The following RBFOX1 variants were observed in gnomAD, a reference collection of about 807,000 sequenced individuals.
RBFOX1 encodes the protein RNA binding fox-1 homolog 1, also known as RNA binding protein fox-1 homolog 1.
Under a neutral mutation model 57.7 loss-of-function variants are expected in RBFOX1, and 8 were observed. The ratio of observed to expected loss-of-function variants is 0.14; its 90% CI spans 0.08 to 0.25. The LOEUF is 0.25. Ranked by LOEUF, RBFOX1 falls within the 10% of genes least tolerant of loss-of-function variation. RBFOX1 has a pLI of 1.00. For missense variants in RBFOX1, 611 were observed against 548.5 expected (o/e 1.11, Z -1.14); for synonymous variants, 326 against 222.4 (o/e 1.47, Z -4.15).
At chr16:7,557,735 T>C (rs1313653062) in intron 5 of RBFOX1, among the ~76,000 whole-genome samples, 1 of 151,764 alleles carries the variant, frequency 6.6e-6, no homozygotes, top group African/African-American at 2.4e-5. Flanking sequence ...AAACACATAT[T>C]GCTGGCTGTA....
chr16:5,394,938 C>T (rs1249644567), intron 1 of RBFOX1, among the ~76,000 whole-genome samples: 1 of 152,130 alleles, frequency 6.6e-6, no homozygotes, highest in African/African-American at 2.4e-5. Context: ...TTGTGTCCAG[C>T]CGGCATGATT....
rs551823255 is a variant in RBFOX1, at chr16:7,182,593, C to G, written c.27+130495C>G. Among the ~76,000 whole-genome samples the G allele has an allele frequency of 1.1e-4, 17 of 152,262 alleles. No individual in the cohort carries two copies. In the South Asian group the frequency reaches 3.5e-3, roughly 32 times the overall value. ...GCAAAGAACAGAAACCCAGTTTAGA[C>G]TCAGTTAAGCAAAAAGGGAAAATTT... is the stretch of plus-strand genomic sequence containing the variant. On this transcript the variant is annotated intron_variant, in intron 4 of 15. Transcript: ENST00000550418.
chr16:5,408,426 C>G (rs1184233327), intron 1 of RBFOX1, among the ~76,000 whole-genome samples: 1 of 152,150 alleles, frequency 6.6e-6, no homozygotes, highest in African/African-American at 2.4e-5. Context: ...TGAATAGAGT[C>G]TGAGCTATTC....
chr16:6,942,986 A>G (rs895362129), intron 3 of RBFOX1, among the ~76,000 whole-genome samples: 1 of 152,196 alleles, frequency 6.6e-6, no homozygotes, highest in Non-Finnish European at 1.5e-5. Flanking sequence ...TGAAAAAAGC[A>G]AAATGGATCC....
At chr16:6,779,060 A>G (rs571183328) in intron 3 of RBFOX1, among the ~76,000 whole-genome samples, 44 of 152,176 alleles carry the variant, frequency 2.9e-4, no homozygotes, top group African/African-American at 9.1e-4. Context: ...ACAATGCATT[A>G]TTGTTAACTA....
At chr16:5,357,113 C>T (rs1229173906) in intron 1 of RBFOX1, among the ~76,000 whole-genome samples, 1 of 152,160 alleles carries the variant, frequency 6.6e-6, no homozygotes, top group Non-Finnish European at 1.5e-5. Flanking sequence ...AATGTGTAAT[C>T]TCATGAGCAT....
intron 3 of RBFOX1, among the ~76,000 whole-genome samples, chr16:6,869,419 C>T (rs996142583): frequency 2.0e-5 from 3 of 151,756 alleles, no homozygotes. Flanking sequence ...CTGTTATTAA[C>T]CACTGTGGTA....
At chr16:6,580,150 G>C (rs912721953) in intron 2 of RBFOX1, among the ~76,000 whole-genome samples, 9 of 151,948 alleles carry the variant, frequency 5.9e-5, no homozygotes, top group Admixed American at 1.3e-4. Context: ...GAAGAGACAG[G>C]GTTTCACCAT....
chr16:5,403,800 C>G (rs1402090555), intron 1 of RBFOX1, among the ~76,000 whole-genome samples: 1 of 152,148 alleles, frequency 6.6e-6, no homozygotes, highest in African/African-American at 2.4e-5. Flanking sequence ...CCCCACTGCT[C>G]TATTCAGTGA....
intron 1 of RBFOX1, among the ~76,000 whole-genome samples, chr16:5,273,492 A>C (rs1438025139): frequency 6.6e-6 from 1 of 152,148 alleles, no homozygotes; most frequent in Admixed American, 6.5e-5. Flanking sequence ...ATGCCCTTGC[A>C]TCACCTCCCT....
At chr16:5,825,002 C>G (rs1288753869) in intron 3 of RBFOX1, among the ~76,000 whole-genome samples, 1 of 152,128 alleles carries the variant, frequency 6.6e-6, no homozygotes, top group Admixed American at 6.6e-5. Flanking sequence ...TTAAGAGGTC[C>G]CCATTGTGGA....
Position 6,565,874 on chromosome 16 carries a change from G to T in RBFOX1, c.-63-88729G>T, listed in dbSNP as rs532111573. Among the ~76,000 whole-genome samples the T allele has an allele frequency of 6.0e-4, 92 of 152,322 alleles. 2 individuals carry two copies. The highest frequency in any genetic ancestry group is 4.0e-3 in the Admixed American group (61 of 15,294). On this transcript the variant is annotated intron_variant, in intron 2 of 15. Transcript: ENST00000550418. Reference sequence around the variant, plus strand: ...TCAGGGTAAGACAGGCTATGCTGTAGTAACACATAACCCCCAATATCCATG... The same window carrying T: ...TCAGGGTAAGACAGGCTATGCTGTATTAACACATAACCCCCAATATCCATG...
intron 2 of RBFOX1, among the ~76,000 whole-genome samples, chr16:5,583,444 G>A (rs143508093): frequency 0.012 from 1,828 of 152,232 alleles, 35 homozygotes; most frequent in African/African-American, 0.041. Context: ...TAAGTCAAAC[G>A]CCGAGCTCTA....
intron 4 of RBFOX1, among the ~76,000 whole-genome samples, chr16:7,497,243 A>G (rs978282590): frequency 6.6e-6 from 1 of 152,182 alleles, no homozygotes; most frequent in African/African-American, 2.4e-5. Flanking sequence ...AGTTCCTGCT[A>G]AATCTTCACC....
chr16:7,471,284 C>A (rs1169647123), intron 4 of RBFOX1, among the ~76,000 whole-genome samples: 1 of 152,160 alleles, frequency 6.6e-6, no homozygotes, highest in Non-Finnish European at 1.5e-5. Flanking sequence ...CTATTTCCAA[C>A]AGAACTGCAA....
chr16:5,398,951 C>A (rs2066638237), intron 1 of RBFOX1, among the ~76,000 whole-genome samples: 1 of 152,238 alleles, frequency 6.6e-6, no homozygotes, highest in African/African-American at 2.4e-5. Flanking sequence ...TGGTGTCTGA[C>A]TTTGCACTCT....
intron 3 of RBFOX1, among the ~76,000 whole-genome samples, chr16:6,950,505 A>C (rs960345042): frequency 5.3e-5 from 8 of 152,150 alleles, no homozygotes; most frequent in African/African-American, 1.9e-4. Context: ...ATTGGATTGA[A>C]GCTGAACAAA....
intron 1 of RBFOX1, among the ~76,000 whole-genome samples, chr16:5,316,262 C>G (rs2064235428): frequency 6.6e-6 from 1 of 152,222 alleles, no homozygotes; most frequent in Admixed American, 6.5e-5. Flanking sequence ...AGATCTGTGC[C>G]TTCTCAGATA....
intron 3 of RBFOX1, among the ~76,000 whole-genome samples, chr16:6,794,697 A>G (rs569555705): frequency 6.6e-6 from 1 of 152,288 alleles, no homozygotes; most frequent in Non-Finnish European, 1.5e-5. Flanking sequence ...TGCATCCCAG[A>G]ATGTTTAATG....
Sources: allele counts gnomAD v4.1 joint callset (sites outside exome capture counted in the v4.1 genomes callset), GRCh38; gene constraint gnomAD v4.1.1; transcripts MANE v1.5; gene names NCBI Gene and HGNC (gene_info 2026-07-23, HGNC 2026-07-21).